Variants in DOCK2 observed in about 807,000 individuals in gnomAD.
DOCK2 encodes the protein dedicator of cytokinesis protein 2.
A neutral mutation model predicts 248.9 loss-of-function variants in DOCK2; 87 were observed. The ratio of observed to expected loss-of-function variants is 0.35; its 90% confidence interval spans 0.29 to 0.42. DOCK2 has a LOEUF of 0.42. Ranked by LOEUF, DOCK2 falls within the 10% of genes least tolerant of loss-of-function variation. DOCK2 has a pLI of 1.00. For missense variants in DOCK2, 1,747 were observed against 2,300.2 expected (o/e 0.76, Z 4.92); for synonymous variants, 805 against 821.6 (o/e 0.98, Z 0.35).
chr5:170,050,170 G>A, intron 40 of DOCK2, 86 bp from the exon 41 acceptor site: 1 of 1,543,936 alleles, frequency 6.5e-7, no homozygotes, highest in Non-Finnish European at 8.8e-7. Context: ...ATGGACCGTG[G>A]TCATTTTACA....
intron 27 of DOCK2, among the ~76,000 whole-genome samples, chr5:169,933,389 T>C (rs1428162037): frequency 6.6e-6 from 1 of 152,202 alleles, no homozygotes; most frequent in Non-Finnish European, 1.5e-5. Context: ...TGGGCTGGCA[T>C]CCAAGGTCCT....
intron 27 of DOCK2, among the ~76,000 whole-genome samples, chr5:169,951,515 C>T (rs1236671370): frequency 2.0e-5 from 3 of 152,204 alleles, no homozygotes; most frequent in Admixed American, 6.5e-5. Flanking sequence ...CTGCTCCATT[C>T]TGGAGGTTCA....
chr5:169,961,747 G>T (rs548936663), intron 27 of DOCK2, among the ~76,000 whole-genome samples: 1 of 152,104 alleles, frequency 6.6e-6, no homozygotes, highest in African/African-American at 2.4e-5. Flanking sequence ...GGAGGCCGAG[G>T]TGGGCAGATT....
chr5:169,802,919 TA>T, intron 25 of DOCK2, 138 bp from the exon 26 acceptor site: 1 of 1,114,222 alleles, frequency 9.0e-7, no homozygotes, highest in African/African-American at 1.6e-5. Flanking sequence ...AATCTTAACC[TA>T]ATCTTTAATA....
At chr5:170,035,016 C>G (rs964435403) in intron 35 of DOCK2, among the ~76,000 whole-genome samples, 6 of 152,202 alleles carry the variant, frequency 3.9e-5, no homozygotes, top group Admixed American at 6.5e-5. Context: ...GTTAAATGCT[C>G]ACTACGTATT....
chr5:169,762,496 T>A (rs1274074300), intron 25 of DOCK2, among the ~76,000 whole-genome samples: 2 of 152,182 alleles, frequency 1.3e-5, no homozygotes, highest in Non-Finnish European at 1.5e-5. Flanking sequence ...TCAAGGTCAG[T>A]CAACTGGATG....
chr5:170,006,244 G>C (rs1755030715), intron 30 of DOCK2, among the ~76,000 whole-genome samples: 1 of 152,210 alleles, frequency 6.6e-6, no homozygotes, highest in Non-Finnish European at 1.5e-5. Context: ...ACGGAAACAA[G>C]GAGATTTGAT....
chr5:169,758,726 C>G (rs1764325124), intron 23 of DOCK2, among the ~76,000 whole-genome samples: 1 of 152,182 alleles, frequency 6.6e-6, no homozygotes, highest in Admixed American at 6.5e-5. Context: ...AACTAATAAG[C>G]TAATCTATTA....
intron 23 of DOCK2, among the ~76,000 whole-genome samples, chr5:169,747,902 C>A (rs1294231382): frequency 6.6e-6 from 1 of 152,208 alleles, no homozygotes; most frequent in African/African-American, 2.4e-5. Context: ...GAGAATGAGT[C>A]CTCTCATGTG....
chr5:169,721,033 C>T (rs112662202), intron 22 of DOCK2, among the ~76,000 whole-genome samples: 3,330 of 151,932 alleles, frequency 0.022, 54 homozygotes, highest in Middle Eastern at 0.041. Context: ...GTATAACTCT[C>T]TCATGTCTTA....
chr5:169,729,167 A>G (rs1481316730), intron 22 of DOCK2, among the ~76,000 whole-genome samples: 1 of 152,214 alleles, frequency 6.6e-6, no homozygotes, highest in African/African-American at 2.4e-5. Context: ...CCTGTAACGA[A>G]ATATGAACAT....
chr5:169,987,827 G>T (rs1035915436), intron 29 of DOCK2, among the ~76,000 whole-genome samples: 2 of 152,116 alleles, frequency 1.3e-5, no homozygotes, highest in African/African-American at 2.4e-5. Flanking sequence ...CTTATGTTTT[G>T]TACATTAAAG....
At chr5:169,900,781 T>C (rs1329040814) in intron 27 of DOCK2, among the ~76,000 whole-genome samples, 1 of 152,078 alleles carries the variant, frequency 6.6e-6, no homozygotes, top group African/African-American at 2.4e-5. Context: ...GCAAAGAAGC[T>C]CTTGGTGGTG....
rs1045374649 is a variant in DOCK2, at chr5:169,747,263, A to G, written c.2268-133A>G. On this transcript the variant is annotated intron_variant, in intron 22 of 51. Transcript: ENST00000520908. ...GAATGATGCACGCAGCATCTGCAGA[A>G]TCCTCTCCTCCTTGAAGTCCCCACC... The G allele has an allele frequency of 4.3e-6, 3 of 698,594 alleles. No individual in the cohort carries two copies. The African/African-American group carries it at 5.5e-5, about 13-fold the overall frequency. The allele number at this position is 698,594 out of a possible 1,614,324, so 43.3% of individuals were successfully genotyped here.
chr5:169,813,348 G>A (rs986041713), intron 26 of DOCK2, among the ~76,000 whole-genome samples: 1 of 152,128 alleles, frequency 6.6e-6, no homozygotes, highest in Non-Finnish European at 1.5e-5. Flanking sequence ...TACATCTATT[G>A]TGTCTGTGTG....
intron 25 of DOCK2, among the ~76,000 whole-genome samples, chr5:169,768,539 A>C (rs920760218): frequency 6.6e-6 from 1 of 152,180 alleles, no homozygotes; most frequent in Non-Finnish European, 1.5e-5. Context: ...CAGGCTATAC[A>C]TGAACTCTGA....
At chr5:169,654,599 A>C (rs1757996409) in intron 2 of DOCK2, 113 bp downstream of exon 2, 2 of 1,065,646 alleles carry the variant, frequency 1.9e-6, no homozygotes, top group Non-Finnish European at 2.7e-6. Context: ...TCTATTTAAA[A>C]ACGTTTTGGT....
intron 36 of DOCK2, among the ~76,000 whole-genome samples, chr5:170,037,006 T>C (rs1235364423): frequency 1.3e-5 from 2 of 152,222 alleles, no homozygotes; most frequent in African/African-American, 2.4e-5. Context: ...TATTTGAATA[T>C]ATCATGAAGG....
chr5:170,008,218 ACAACAAC>A (rs199872091), intron 30 of DOCK2, among the ~76,000 whole-genome samples: 29,311 of 88,048 alleles, frequency 0.33, 3,308 homozygotes, highest in Middle Eastern at 0.39. Context: ...AACAACAACA[ACAACAAC>A]AAAAAAAAAA....
Sources: allele counts gnomAD v4.1 joint callset (sites outside exome capture counted in the v4.1 genomes callset), GRCh38; gene constraint gnomAD v4.1.1; transcripts MANE v1.5; gene names NCBI Gene and HGNC (gene_info 2026-07-23, HGNC 2026-07-21).